Variants in TMPRSS15 observed in about 807,000 individuals in gnomAD.
The protein encoded by TMPRSS15 is enteropeptidase.
In TMPRSS15, 128 loss-of-function variants were observed where a neutral mutation model predicts 125.3. The ratio of observed to expected loss-of-function variants is 1.02; its 90% CI spans 0.89 to 1.18. The LOEUF is 1.18. Among genes scored for constraint, TMPRSS15 ranks in the 50% most tolerant of loss-of-function variants. The pLI is 0.00. For missense variants in TMPRSS15, 1,283 were observed against 1,212.7 expected, an observed-to-expected ratio of 1.06 and a Z score of -0.86; for synonymous variants, 446 against 423.2, an observed-to-expected ratio of 1.05 and a Z score of -0.66.
intron 21 of TMPRSS15, 127 bp from the exon 22 acceptor site, chr21:18,281,348 C>A: frequency 1.2e-6 from 1 of 850,428 alleles, no homozygotes; most frequent in Non-Finnish European, 1.9e-6. Context: ...TCTGAAGAAT[C>A]ATCCTTTAAA....
At chr21:18,278,924 GT>G (rs59972471) in intron 23 of TMPRSS15, 39 bp downstream of exon 23, 26,231 of 435,442 alleles carry the variant, frequency 0.06, 140 homozygotes, top group African/African-American at 0.087. Context: ...CACCAGTAAG[GT>G]TTTTTTTTTT....
At chr21:18,292,196 G>T (rs1467251801) in intron 21 of TMPRSS15, among the ~76,000 whole-genome samples, 2 of 152,136 alleles carry the variant, frequency 1.3e-5, no homozygotes, top group Admixed American at 1.3e-4. Flanking sequence ...TTTTGTCAAG[G>T]TTACTCTCAT....
intron 23 of TMPRSS15, among the ~76,000 whole-genome samples, chr21:18,276,613 A>G (rs1228371656): frequency 5.9e-5 from 9 of 152,170 alleles, no homozygotes; most frequent in Admixed American, 5.2e-4. Flanking sequence ...TTGGTAAAGG[A>G]ACATTTGAGC....
At chr21:18,285,939 A>AT (rs1391152629) in intron 21 of TMPRSS15, among the ~76,000 whole-genome samples, 88 of 152,284 alleles carry the variant, frequency 5.8e-4, no homozygotes, top group Non-Finnish European at 5.4e-4. Flanking sequence ...ATATGTGAAT[A>AT]TTTTTATTTA....
intron 18 of TMPRSS15, among the ~76,000 whole-genome samples, chr21:18,305,994 T>C (rs1008400050): frequency 2.6e-5 from 4 of 152,172 alleles, no homozygotes; most frequent in African/African-American, 4.8e-5. Flanking sequence ...CCCACCACAG[T>C]AACATAGCTA....
chr21:18,342,546 T>C (rs1359742422), intron 12 of TMPRSS15, among the ~76,000 whole-genome samples: 1 of 152,190 alleles, frequency 6.6e-6, no homozygotes, highest in Non-Finnish European at 1.5e-5. Context: ...TATATTACTT[T>C]AGAAAAGACG....
chr21:18,359,944 T>C, intron 7 of TMPRSS15, 81 bp from the exon 8 acceptor site: 1 of 712,664 alleles, frequency 1.4e-6, no homozygotes, highest in Non-Finnish European at 2.6e-6. Flanking sequence ...TTGTATGTGT[T>C]TTCTTGTGGT....
intron 18 of TMPRSS15, among the ~76,000 whole-genome samples, chr21:18,302,486 C>G (rs1206326918): frequency 6.6e-6 from 1 of 152,194 alleles, no homozygotes; most frequent in East Asian, 1.9e-4. Context: ...TAACAATACA[C>G]CTAGCACACA....
chr21:18,452,450 G>T (rs560577687), intron 1 of TMPRSS15, among the ~76,000 whole-genome samples: 1 of 152,078 alleles, frequency 6.6e-6, no homozygotes, highest in Non-Finnish European at 1.5e-5. Flanking sequence ...GACATATTCA[G>T]CCCAACAGCT....
At chr21:18,456,940 C>T (rs569911602) in intron 1 of TMPRSS15, among the ~76,000 whole-genome samples, 29 of 152,074 alleles carry the variant, frequency 1.9e-4, no homozygotes, top group African/African-American at 5.3e-4. Flanking sequence ...GCAGTCAATA[C>T]CCAAATTTAA....
intron 3 of TMPRSS15, among the ~76,000 whole-genome samples, chr21:18,397,046 C>CT (rs1271515662): frequency 2.0e-5 from 3 of 151,938 alleles, no homozygotes; most frequent in South Asian, 2.1e-4. Context: ...CAGTCTTTAA[C>CT]TTTTTTTTCT....
intron 1 of TMPRSS15, among the ~76,000 whole-genome samples, chr21:18,444,572 A>G (rs2076250798): frequency 2.0e-5 from 3 of 152,164 alleles, no homozygotes; most frequent in South Asian, 2.1e-4. Flanking sequence ...ACCATGGCAC[A>G]TGTATACCTA....
chr21:18,315,230 A>G lies in TMPRSS15; in HGVS notation c.1948T>C (p.Cys650Arg). Residue 650 changes from cysteine to arginine, a missense_variant, in exon 17 of 25, where the codon TGT (cysteine) becomes CGT (arginine). Transcript: ENST00000284885. ...AGTGGAACACACTCTCCATTTTTAC[A>G]TTGAAAATGGTCTGCCTTGCATGGC... ...PEPCKADHFQ[C>R]KNGECVPLVN... 1 of 1,613,530 alleles carries G rather than the reference A, an allele frequency of 6.2e-7. No individual in the cohort carries two copies. The highest frequency in any genetic ancestry group is 8.5e-7 in the Non-Finnish European group (1 of 1,179,730).
In TMPRSS15 at chr21:18,479,195, A is replaced by G. The variant is rs554391092; in HGVS notation, c.10+6604T>C. The stretch of plus-strand genomic sequence containing the variant: ...ATGCTAAGATTTCTTTCTGCATAAT[A>G]CTTTCATATGTCCATGGCCCTTAAA... On this transcript the variant is annotated intron_variant, in intron 1 of 7. Transcript: ENST00000422787. Among the ~76,000 whole-genome samples, 8 of 152,086 alleles carry G rather than the reference A, an allele frequency of 5.3e-5. No homozygotes were observed. The South Asian group carries it at 1.2e-3, about 24-fold the overall frequency.
At chr21:18,388,564 T>C (rs550026157) in intron 3 of TMPRSS15, among the ~76,000 whole-genome samples, 1 of 152,308 alleles carries the variant, frequency 6.6e-6, no homozygotes, top group Non-Finnish European at 1.5e-5. Flanking sequence ...CTGTGCTTTC[T>C]GTATGGATTT....
rs542569775 is a variant in TMPRSS15 at position 18,343,808 on chromosome 21, T to G, written c.1277+147A>C. 22 of 1,133,176 alleles carry G rather than the reference T, an allele frequency of 1.9e-5. No individual in the cohort carries two copies. The African/African-American group carries it at 2.9e-4, about 15-fold the overall frequency. The allele number at this position is 1,133,176 out of a possible 1,614,324, so 70.2% of individuals were successfully genotyped here. ...GGGGATGGGGAGAGGTGTCTATCAA[T>G]GTTTTATTGCTTATCAGTTGGGAAA... is the stretch of plus-strand genomic sequence containing the variant. On this transcript the variant is annotated intron_variant, in intron 11 of 24. Coordinates refer to ENST00000284885, the MANE Select transcript of TMPRSS15 (RefSeq NM_002772.3).
chr21:18,471,179 A>C (rs1978772285), intron 1 of TMPRSS15, among the ~76,000 whole-genome samples: 1 of 152,084 alleles, frequency 6.6e-6, no homozygotes, highest in African/African-American at 2.4e-5. Flanking sequence ...ATGTCTCTAA[A>C]AGGAAATTAA....
At chr21:18,302,605 A>C (rs2074985177) in intron 18 of TMPRSS15, among the ~76,000 whole-genome samples, 1 of 152,230 alleles carries the variant, frequency 6.6e-6, no homozygotes, top group South Asian at 2.1e-4. Flanking sequence ...AAGAAATGTC[A>C]ATAAAAACAA....
At chr21:18,404,367 T>TA (rs993213227), upstream of TMPRSS15, among the ~76,000 whole-genome samples, 37 of 152,198 alleles carry the variant, frequency 2.4e-4, 1 homozygote, top group Non-Finnish European at 7.4e-5. Context: ...ATAAGAGGAA[T>TA]AAAATATGTG....
Sources: allele counts gnomAD v4.1 joint callset (sites outside exome capture counted in the v4.1 genomes callset), GRCh38; gene constraint gnomAD v4.1.1; transcripts MANE v1.5; gene names NCBI Gene and HGNC (gene_info 2026-07-23, HGNC 2026-07-21).